NELL1: variants seen among roughly 807,000 people sequenced by gnomAD.
NELL1 encodes protein kinase C-binding protein NELL1.
Under a neutral mutation model 107.4 loss-of-function variants are expected in NELL1, and 76 were observed. The ratio of observed to expected loss-of-function variants is 0.71; its 90% CI spans 0.59 to 0.86. NELL1 has a LOEUF of 0.86. Ranked by LOEUF, NELL1 falls within the 40% of genes least tolerant of loss-of-function variation. The pLI, the probability that NELL1 is intolerant of heterozygous loss-of-function variation, is 0.00. For synonymous variants in NELL1, 353 were observed against 341.2 expected (o/e 1.03, Z -0.38); for missense variants, 1,024 against 1,005.5 (o/e 1.02, Z -0.25).
intron 14 of NELL1, among the ~76,000 whole-genome samples, chr11:21,333,264 G>T (rs900401701): frequency 6.9e-6 from 1 of 144,288 alleles, no homozygotes; most frequent in Non-Finnish European, 1.6e-5. Context: ...GGATACCATG[G>T]CCAGACTTGC....
chr11:20,772,309 A>T (rs1243944477), intron 2 of NELL1, among the ~76,000 whole-genome samples: 1 of 152,138 alleles, frequency 6.6e-6, no homozygotes, highest in South Asian at 2.1e-4. Context: ...CGTGTTGGGG[A>T]CTAGGGAAGC....
At chr11:21,256,854 A>G (rs1413796038) in intron 14 of NELL1, among the ~76,000 whole-genome samples, 1 of 152,012 alleles carries the variant, frequency 6.6e-6, no homozygotes, top group African/African-American at 2.4e-5. Flanking sequence ...GTATAGGGCA[A>G]TGGGCAAGTG....
chr11:21,245,576 T>C (rs1306428535), intron 14 of NELL1, among the ~76,000 whole-genome samples: 2 of 152,194 alleles, frequency 1.3e-5, no homozygotes, highest in Non-Finnish European at 2.9e-5. Context: ...TCACTCTCTG[T>C]CCTGGCATTT....
chr11:20,689,982 C>A (rs539515567), intron 2 of NELL1, among the ~76,000 whole-genome samples: 1 of 151,856 alleles, frequency 6.6e-6, no homozygotes, highest in African/African-American at 2.4e-5. Flanking sequence ...GCCATTCTAA[C>A]TGGTGTGAGA....
intron 15 of NELL1, among the ~76,000 whole-genome samples, chr11:21,489,995 G>A (rs560032458): frequency 5.3e-5 from 8 of 152,116 alleles, no homozygotes; most frequent in South Asian, 2.1e-4. Flanking sequence ...TCAGAAGAGA[G>A]GAAGTCAGAT....
intron 15 of NELL1, among the ~76,000 whole-genome samples, chr11:21,525,929 C>A (rs1176451859): frequency 2.6e-5 from 4 of 152,118 alleles, no homozygotes; most frequent in Admixed American, 6.5e-5. Context: ...ATCATTCTGC[C>A]CTGACCCCTC....
chr11:20,899,897 C>G (rs1485629528), intron 5 of NELL1, among the ~76,000 whole-genome samples: 1 of 21,588 alleles, frequency 4.6e-5, no homozygotes, highest in Admixed American at 6.4e-4. Context: ...AAATGGACTT[C>G]AAATAACTAT....
intron 2 of NELL1, among the ~76,000 whole-genome samples, chr11:20,731,273 T>G (rs1855633201): frequency 6.6e-6 from 1 of 152,234 alleles, no homozygotes; most frequent in African/African-American, 2.4e-5. Context: ...TTAGTGGGCT[T>G]AAAGCACTTT....
At chr11:21,016,597 T>G (rs1289271454) in intron 12 of NELL1, among the ~76,000 whole-genome samples, 1 of 152,026 alleles carries the variant, frequency 6.6e-6, no homozygotes, top group Non-Finnish European at 1.5e-5. Flanking sequence ...AAATTACCTT[T>G]CCCTGCTATA....
chr11:20,871,484 A>C (rs1264047748), intron 4 of NELL1, among the ~76,000 whole-genome samples: 1 of 152,124 alleles, frequency 6.6e-6, no homozygotes, highest in Non-Finnish European at 1.5e-5. Context: ...GTATCTATCT[A>C]TCTAATCTAT....
At chr11:20,942,802 G>A (rs529830084) in intron 10 of NELL1, among the ~76,000 whole-genome samples, 4 of 152,292 alleles carry the variant, frequency 2.6e-5, no homozygotes, top group Admixed American at 2.0e-4. Context: ...GCTCACTGTG[G>A]TGATGGTCCC....
At chr11:21,400,411 G>A (rs79273369) in intron 15 of NELL1, among the ~76,000 whole-genome samples, 1,751 of 151,944 alleles carry the variant, frequency 0.012, 15 homozygotes, top group Non-Finnish European at 0.018. Flanking sequence ...CTATTTTAGA[G>A]CCAATTAGGA....
At chr11:21,421,002 A>G (rs942275926) in intron 15 of NELL1, among the ~76,000 whole-genome samples, 1 of 152,230 alleles carries the variant, frequency 6.6e-6, no homozygotes, top group Non-Finnish European at 1.5e-5. Flanking sequence ...CAAAATGGAT[A>G]AAAGAAACTC....
intron 10 of NELL1, among the ~76,000 whole-genome samples, chr11:20,944,138 C>T (rs558272947): frequency 6.6e-6 from 1 of 152,220 alleles, no homozygotes; most frequent in East Asian, 1.9e-4. Flanking sequence ...GAAGTATTAT[C>T]CTTGGGAGGA....
At chr11:21,215,614 G>A (rs1857595989) in intron 13 of NELL1, among the ~76,000 whole-genome samples, 1 of 152,144 alleles carries the variant, frequency 6.6e-6, no homozygotes, top group South Asian at 2.1e-4. Flanking sequence ...TCCAGGTTGA[G>A]GTGGTCTCAG....
intron 2 of NELL1, among the ~76,000 whole-genome samples, chr11:20,747,500 T>A (rs1041100367): frequency 1.3e-5 from 2 of 152,142 alleles, no homozygotes; most frequent in Admixed American, 6.5e-5. Flanking sequence ...ACTGAGTAAA[T>A]TATAAAGAAA....
Position 21,405,612 on chromosome 11 carries a change from G to A in NELL1, c.1645+34664G>A, listed in dbSNP as rs113699173. ...TAGCATTTTCATTAGCTCCTCTGCA[G>A]CATCAATTATCACCTCCTAAGCAGA... On this transcript the variant is annotated intron_variant, in intron 15 of 19. Transcript: ENST00000357134. 3.1e-3 allele frequency among the ~76,000 whole-genome samples: 472 copies of A among 152,054 alleles called. 3 individuals carry two copies. Among genetic ancestry groups the A allele is most frequent in the Non-Finnish European group, 4.8e-3 (327 of 67,938 alleles).
intron 14 of NELL1, among the ~76,000 whole-genome samples, chr11:21,363,575 C>G (rs971044991): frequency 6.6e-6 from 1 of 152,118 alleles, no homozygotes; most frequent in African/African-American, 2.4e-5. Flanking sequence ...GCTGTTCTGT[C>G]CATACATGTG....
intron 16 of NELL1, among the ~76,000 whole-genome samples, chr11:21,551,050 C>G (rs1856570071): frequency 6.6e-6 from 1 of 150,906 alleles, no homozygotes; most frequent in Non-Finnish European, 1.5e-5. Flanking sequence ...TTGAACAGGT[C>G]CTTCACATCC....
Sources: allele counts gnomAD v4.1 joint callset (sites outside exome capture counted in the v4.1 genomes callset), GRCh38; gene constraint gnomAD v4.1.1; transcripts MANE v1.5; gene names NCBI Gene and HGNC (gene_info 2026-07-23, HGNC 2026-07-21).